The following C17orf67 variants were observed in gnomAD, a reference collection of about 807,000 sequenced individuals.
C17orf67 encodes the protein uncharacterized protein C17orf67.
A neutral mutation model predicts 11.2 loss-of-function variants in C17orf67; 12 were observed. The ratio of observed to expected loss-of-function variants is 1.07; its 90% CI spans 0.68 to 1.73. The LOEUF (loss-of-function observed/expected upper bound fraction) is 1.73. C17orf67 is among the 40% of genes most tolerant of loss of function. The pLI is 0.00. For synonymous variants in C17orf67, 59 were observed against 46.9 expected (o/e 1.26, Z -1.05); for missense variants, 115 against 113.5 (o/e 1.01, Z -0.06).
chr17:56,795,026 A>C lies in C17orf67; in HGVS notation c.*20+18T>G. 6 of 1,544,020 alleles carry C rather than the reference A, an allele frequency of 3.9e-6. No individual in the cohort carries two copies. Among genetic ancestry groups the C allele is most frequent in the Non-Finnish European group, 5.4e-6 (6 of 1,118,012 alleles). ...CCACTCCCTCAGACAGAGGTCCGGGAGAGAGAAGGAGACGTACCGAGGCTG... is the reference window on the plus strand; with the variant it reads ...CCACTCCCTCAGACAGAGGTCCGGGCGAGAGAAGGAGACGTACCGAGGCTG... On this transcript the variant is annotated intron_variant, in intron 7 of 7. Transcript: ENST00000397861.
chr17:56,820,767 CTTTTTT>C (rs746734939), intron 4 of C17orf67, among the ~76,000 whole-genome samples: 178 of 122,502 alleles, frequency 1.5e-3, no homozygotes, highest in African/African-American at 5.3e-3. Context: ...GTGAGTTTCC[CTTTTTT>C]TTTTTTTTTT....
intron 6 of C17orf67, among the ~76,000 whole-genome samples, chr17:56,799,559 A>G (rs1248177633): frequency 1.3e-5 from 2 of 152,164 alleles, no homozygotes; most frequent in Admixed American, 6.5e-5. Flanking sequence ...TTTTGTGTGG[A>G]TGTAAGTTTT....
At chr17:56,799,231 T>C (rs1905267105) in intron 6 of C17orf67, among the ~76,000 whole-genome samples, 1 of 152,234 alleles carries the variant, frequency 6.6e-6, no homozygotes, top group South Asian at 2.1e-4. Flanking sequence ...TGCTTTGCTC[T>C]GCCTGCTCAT....
chr17:56,792,649 G>T lies in C17orf67; in HGVS notation c.*21-297C>A, dbSNP rs1441668917. ...TGGTGATGTGGTGGTGGTGGTGATG[G>T]TGCTGATGGTGGTGATGGTGATGAT... On this transcript the variant is annotated intron_variant, in intron 7 of 7. Coordinates refer to ENST00000397861, the MANE Select transcript of C17orf67 (RefSeq NM_001085430.4). Among the ~76,000 whole-genome samples, 5 of 145,504 alleles carry T rather than the reference G, an allele frequency of 3.4e-5. 1 individual carries two copies. The highest frequency in any genetic ancestry group is 7.6e-5 in the African/African-American group (3 of 39,452).
At chr17:56,830,621 ATT>A (rs1057193819) in intron 2 of C17orf67, among the ~76,000 whole-genome samples, 2 of 150,042 alleles carry the variant, frequency 1.3e-5, no homozygotes, top group Non-Finnish European at 3.0e-5. Context: ...CGCCTGGCTA[ATT>A]TTTTTTTTGT....
At chr17:56,827,233 T>C (rs1906062009) in intron 2 of C17orf67, among the ~76,000 whole-genome samples, 1 of 152,240 alleles carries the variant, frequency 6.6e-6, no homozygotes, top group African/African-American at 2.4e-5. Context: ...TGTAAATCAT[T>C]CCTACCAGAA....
chr17:56,800,159 G>A (rs542775143), intron 6 of C17orf67, among the ~76,000 whole-genome samples: 4 of 140,830 alleles, frequency 2.8e-5, no homozygotes, highest in Non-Finnish European at 6.1e-5. Flanking sequence ...TCCGCTTCCC[G>A]GGTTCACGCC....
At chr17:56,810,452 A>G (rs1423637887) in intron 6 of C17orf67, among the ~76,000 whole-genome samples, 1 of 151,500 alleles carries the variant, frequency 6.6e-6, no homozygotes, top group East Asian at 1.9e-4. Flanking sequence ...CCTCATACAC[A>G]CACCCCTCAC....
intron 6 of C17orf67, among the ~76,000 whole-genome samples, chr17:56,808,172 C>T (rs972671433): frequency 6.6e-6 from 1 of 152,136 alleles, no homozygotes; most frequent in African/African-American, 2.4e-5. Context: ...TTGTCAGCCC[C>T]CACCACCCCA....
intron 4 of C17orf67, among the ~76,000 whole-genome samples, chr17:56,818,153 A>AT (rs79066587): frequency 1.3e-5 from 2 of 148,306 alleles, no homozygotes; most frequent in Middle Eastern, 3.4e-3. Flanking sequence ...TAGTAGCATT[A>AT]TTTAAAAAAA....
intron 4 of C17orf67, among the ~76,000 whole-genome samples, chr17:56,819,192 C>T (rs531405379): frequency 6.6e-6 from 1 of 152,280 alleles, no homozygotes; most frequent in Non-Finnish European, 1.5e-5. Context: ...CATCTGGCCA[C>T]ACTCACTCAC....
chr17:56,819,719 G>T (rs564061199), intron 4 of C17orf67, among the ~76,000 whole-genome samples: 2 of 152,314 alleles, frequency 1.3e-5, no homozygotes, highest in Admixed American at 1.3e-4. Context: ...GTCTTATTGT[G>T]AGTGTCACTC....
intron 2 of C17orf67, among the ~76,000 whole-genome samples, chr17:56,826,986 C>A (rs777738965): frequency 3.9e-5 from 6 of 152,266 alleles, no homozygotes; most frequent in Non-Finnish European, 8.8e-5. Context: ...GCGCTCTGCA[C>A]AAGCTGTGCA....
At position 56,829,755 on chromosome 17, in the gene C17orf67, G is replaced by A. The variant is rs563580679; in HGVS notation, c.-557+3143C>T. 8.1e-4 allele frequency among the ~76,000 whole-genome samples: 123 copies of A among 152,298 alleles called. 1 individual carries two copies. Among genetic ancestry groups the A allele is most frequent in the African/African-American group, 2.7e-3 (111 of 41,576 alleles). ...CCCTGGAGCACATCAGCAAAGTCTGGATTCTCTCTCATTAGCAGCAAAAGA... is the reference window on the plus strand; with the variant it reads ...CCCTGGAGCACATCAGCAAAGTCTGAATTCTCTCTCATTAGCAGCAAAAGA... On this transcript the variant is annotated intron_variant, in intron 2 of 7. Coordinates refer to ENST00000397861, the MANE Select transcript of C17orf67 (RefSeq NM_001085430.4).
intron 6 of C17orf67, among the ~76,000 whole-genome samples, chr17:56,812,338 A>G (rs1184388965): frequency 6.6e-6 from 1 of 152,188 alleles, no homozygotes; most frequent in African/African-American, 2.4e-5. Context: ...GTCTGTACCC[A>G]CTGGGTGCCA....
intron 6 of C17orf67, among the ~76,000 whole-genome samples, chr17:56,796,395 C>A (rs1258572573): frequency 6.6e-6 from 1 of 152,340 alleles, no homozygotes; most frequent in East Asian, 1.9e-4. Context: ...CCTGCTACAA[C>A]ATGGATGAAC....
At chr17:56,823,533 T>C (rs1310716809) in intron 4 of C17orf67, among the ~76,000 whole-genome samples, 1 of 152,152 alleles carries the variant, frequency 6.6e-6, no homozygotes, top group Non-Finnish European at 1.5e-5. Flanking sequence ...AAAAGGAATG[T>C]TCAGAAAACA....
intron 2 of C17orf67, among the ~76,000 whole-genome samples, chr17:56,831,614 C>T (rs1276189783): frequency 6.6e-6 from 1 of 152,120 alleles, no homozygotes; most frequent in Non-Finnish European, 1.5e-5. Flanking sequence ...AATGAGTCTG[C>T]TAGTGACCAG....
chr17:56,807,025 G>C (rs777018385), intron 6 of C17orf67, among the ~76,000 whole-genome samples: 1 of 152,186 alleles, frequency 6.6e-6, no homozygotes, highest in African/African-American at 2.4e-5. Context: ...AAATATTCCA[G>C]TACAAACAGT....
Sources: allele counts gnomAD v4.1 joint callset (sites outside exome capture counted in the v4.1 genomes callset), GRCh38; gene constraint gnomAD v4.1.1; transcripts MANE v1.5; gene names NCBI Gene and HGNC (gene_info 2026-07-23, HGNC 2026-07-21).